Variants in RIC3 observed in about 807,000 individuals in gnomAD.
RIC3 encodes the protein RIC3 acetylcholine receptor chaperone.
A neutral mutation model predicts 27.3 loss-of-function variants in RIC3; 28 were observed. The ratio of observed to expected loss-of-function variants is 1.02; its 90% CI spans 0.76 to 1.41. The LOEUF (loss-of-function observed/expected upper bound fraction) is 1.41, where lower values mean the gene tolerates loss of function less well. RIC3 is among the 40% of genes most tolerant of loss of function. The pLI is 0.00. For missense variants in RIC3, 501 were observed against 444.7 expected (o/e 1.13, Z -1.14); for synonymous variants, 184 against 160.4 (o/e 1.15, Z -1.11).
At chr11:8,148,962 CGAGGTCAG>C (rs1240899137) in intron 1 of RIC3, among the ~76,000 whole-genome samples, 1 of 147,774 alleles carries the variant, frequency 6.8e-6, no homozygotes, top group Non-Finnish European at 1.5e-5. Flanking sequence ...GGGCAGATCA[CGAGGTCAG>C]GAGATCAAGA....
Position 8,110,721 on chromosome 11 carries a change from G to C in RIC3, c.1087C>G (p.Arg363Gly). 6.2e-7 allele frequency: 1 copy of C among 1,614,158 alleles called. No homozygotes were observed. ...KAYTGSMLRKRNPQGLE is the reference protein window; with the variant it reads ...KAYTGSMLRKGNPQGLE The stretch of plus-strand genomic sequence containing the variant: ...TTTCACTCTAAACCCTGGGGGTTAC[G>C]CTTCCTCAGCATGCTGCCTGTATAT... Residue 363 changes from arginine (R) to glycine (G), a missense_variant, in exon 6 of 6, where the codon CGT becomes GGT. Coordinates refer to ENST00000309737, the MANE Select transcript of RIC3 (RefSeq NM_001206671.4).
At chr11:8,127,485 A>C (rs1229934289) in intron 4 of RIC3, among the ~76,000 whole-genome samples, 1 of 152,266 alleles carries the variant, frequency 6.6e-6, no homozygotes, top group Non-Finnish European at 1.5e-5. Flanking sequence ...CTTGAAGCAC[A>C]GTGCTCAAGT....
chr11:8,118,238 A>C (rs1227926642), intron 5 of RIC3, among the ~76,000 whole-genome samples: 1 of 151,288 alleles, frequency 6.6e-6, no homozygotes, highest in Admixed American at 6.6e-5. Flanking sequence ...AAAAAAAAAA[A>C]AAAAAGACCA....
rs186364785 is a variant in RIC3, at chr11:8,140,330, A to G, written c.125-137T>C. 1.3e-3 allele frequency: 1,004 copies of G among 743,920 alleles called. 8 individuals carry two copies. In the African/African-American group the frequency reaches 0.016, roughly 12 times the overall value. The allele number at this position is 743,920 out of a possible 1,614,324, so 46.1% of individuals were successfully genotyped here. A position where few individuals can be genotyped will look rare whatever the true frequency, so the allele number is the denominator to read the frequency against. ...AAAATGGCAACTTAATTAAAAGGAT[A>G]CAGAGGTATCACACATATCCTAAAT... is the stretch of plus-strand genomic sequence containing the variant. On this transcript the variant is annotated intron_variant, in intron 1 of 5. Coordinates refer to ENST00000309737, the MANE Select transcript of RIC3 (RefSeq NM_001206671.4).
chr11:8,099,627 C>T, the RIC3 span, among the ~76,000 whole-genome samples: 1 of 152,160 alleles, frequency 6.6e-6, no homozygotes, highest in South Asian at 2.1e-4. Flanking sequence ...ACTTAAAGCC[C>T]TAGCAGGGCA....
At chr11:8,097,297 G>A in the RIC3 span, 4 of 1,614,074 alleles carry the variant, frequency 2.5e-6, no homozygotes, top group Non-Finnish European at 2.5e-6. Flanking sequence ...GGATCTTGAG[G>A]AGTTTGCACT....
rs1430674643 is a variant in RIC3, at chr11:8,108,092, C to T, written c.*2606G>A. ...GATATATAAATACACAAATATATTCCTTATATATAAACCAACCAAGAGCTA... is the reference window on the plus strand; with the variant it reads ...GATATATAAATACACAAATATATTCTTTATATATAAACCAACCAAGAGCTA... On this transcript the variant is annotated 3_prime_UTR_variant, in exon 6 of 6. Coordinates refer to ENST00000309737, the MANE Select transcript of RIC3 (RefSeq NM_001206671.4). The T allele has an allele frequency of 6.6e-6, 1 of 152,146 alleles. No homozygotes were observed. Among genetic ancestry groups the T allele is most frequent in the Admixed American group, 6.5e-5 (1 of 15,274 alleles). 9.4% of individuals were successfully genotyped at this position (152,146 alleles called of 1,614,324 possible).
At chr11:8,101,789 T>C, downstream of RIC3, 2 of 1,191,492 alleles carry the variant, frequency 1.7e-6, no homozygotes, top group South Asian at 1.6e-5. Context: ...TTGCCTCTGC[T>C]ACTGAGGCAG....
At chr11:8,164,395 C>T (rs1012381624) in intron 1 of RIC3, among the ~76,000 whole-genome samples, 2 of 152,040 alleles carry the variant, frequency 1.3e-5, no homozygotes, top group African/African-American at 4.8e-5. Context: ...GTGAAGGCAA[C>T]CACTGAATGG....
chr11:8,165,549 GTAA>G (rs1473448975), intron 1 of RIC3, among the ~76,000 whole-genome samples: 2 of 152,116 alleles, frequency 1.3e-5, no homozygotes, highest in Non-Finnish European at 2.9e-5. Context: ...GATTTGTGGA[GTAA>G]TAGCTAAAAA....
chr11:8,095,664 G>C, the RIC3 span: 2 of 1,596,128 alleles, frequency 1.3e-6, no homozygotes, highest in Non-Finnish European at 1.7e-6. Context: ...TGCAGAGGAA[G>C]GGTGAGCCCC....
the RIC3 span, chr11:8,097,695 C>A: frequency 6.3e-7 from 1 of 1,587,846 alleles, no homozygotes; most frequent in Non-Finnish European, 8.6e-7. Context: ...TGGAATATGA[C>A]CTCATTCCAC....
chr11:8,162,340 G>C (rs1164767835), intron 1 of RIC3, among the ~76,000 whole-genome samples: 1 of 152,322 alleles, frequency 6.6e-6, no homozygotes, highest in East Asian at 1.9e-4. Context: ...TGAACCCAAT[G>C]ACAATGACTT....
intron 1 of RIC3, among the ~76,000 whole-genome samples, chr11:8,141,357 A>T (rs1949040851): frequency 6.6e-6 from 1 of 152,150 alleles, no homozygotes; most frequent in African/African-American, 2.4e-5. Context: ...AATGGAAAAT[A>T]AAAAAAGGCA....
rs183996146 is a variant in RIC3, at chr11:8,163,450, A to G, written c.124+5416T>C. On this transcript the variant is annotated intron_variant, in intron 1 of 5. Transcript: ENST00000309737. Reference sequence around the variant, plus strand: ...TTCCAGCTAGGGCAGTTAGGCCAAAAAAAGTAAAAATAAAAATAAAAGGCA... The same window carrying G: ...TTCCAGCTAGGGCAGTTAGGCCAAAGAAAGTAAAAATAAAAATAAAAGGCA... 9.2e-5 allele frequency among the ~76,000 whole-genome samples: 14 copies of G among 152,242 alleles called. No individual in the cohort carries two copies. The East Asian group carries it at 1.7e-3, about 19-fold the overall frequency.
chr11:8,113,798 C>T (rs1167227979), intron 5 of RIC3, among the ~76,000 whole-genome samples: 2 of 152,156 alleles, frequency 1.3e-5, no homozygotes, highest in Admixed American at 6.5e-5. Flanking sequence ...TGAACCTAGC[C>T]TTCAGACACA....
At position 8,107,246 on chromosome 11, in the gene RIC3, T is replaced by C. The variant is rs1005471061; in HGVS notation, c.*3452A>G. ...TTCTTTGGAATACAAATAGTCCAGA[T>C]TGAAGAGAACTTTGAGAGTGTGGTA... On this transcript the variant is annotated 3_prime_UTR_variant, in exon 6 of 6. Coordinates refer to ENST00000309737, the MANE Select transcript of RIC3 (RefSeq NM_001206671.4). 6.6e-6 allele frequency: 1 copy of C among 152,210 alleles called. No homozygotes were observed. The highest frequency in any genetic ancestry group is 2.4e-5 in the African/African-American group (1 of 41,452). 9.4% of individuals were successfully genotyped at this position (152,210 alleles called of 1,614,324 possible). A position where few individuals can be genotyped will look rare whatever the true frequency, so the allele number is the denominator to read the frequency against.
At chr11:8,161,095 T>C (rs927274717) in intron 1 of RIC3, among the ~76,000 whole-genome samples, 1 of 152,220 alleles carries the variant, frequency 6.6e-6, no homozygotes. Context: ...AATCTATATG[T>C]TGCAAGAGAA....
At chr11:8,117,846 A>T (rs1218544936) in intron 5 of RIC3, among the ~76,000 whole-genome samples, 4 of 152,066 alleles carry the variant, frequency 2.6e-5, no homozygotes, top group African/African-American at 9.7e-5. Flanking sequence ...TTAAAAGAGG[A>T]AGAGGCCCAC....
Sources: allele counts gnomAD v4.1 joint callset (sites outside exome capture counted in the v4.1 genomes callset), GRCh38; gene constraint gnomAD v4.1.1; transcripts MANE v1.5; gene names NCBI Gene and HGNC (gene_info 2026-07-23, HGNC 2026-07-21).